PLCE1: variants seen among roughly 807,000 people sequenced by gnomAD.
PLCE1 encodes phospholipase C epsilon 1.
A neutral mutation model predicts 242.8 loss-of-function variants in PLCE1; 119 were observed. The observed-to-expected ratio is 0.49, with a 90% CI of 0.42 to 0.57. The LOEUF (loss-of-function observed/expected upper bound fraction) is 0.57. Ranked by LOEUF, PLCE1 falls within the 20% of genes least tolerant of loss-of-function variation. The probability of loss-of-function intolerance (pLI) is 0.00; values close to 1 mark genes in which losing one functional copy is unlikely to be tolerated. For synonymous variants in PLCE1, 945 were observed against 1,017.4 expected, an observed-to-expected ratio of 0.93 and a Z score of 1.35; for missense variants, 2,441 against 2,788.8, an observed-to-expected ratio of 0.88 and a Z score of 2.81.
rs141295170 is a variant in PLCE1 at position 94,089,555 on chromosome 10, A to T, written c.1207-42619A>T. On this transcript the variant is annotated intron_variant, in intron 2 of 32. Coordinates refer to ENST00000371380, the MANE Select transcript of PLCE1 (RefSeq NM_016341.4). The stretch of plus-strand genomic sequence containing the variant: ...TTAAGAAAGTTTCTAAAATGTTTTA[A>T]CCTAAAATGTTTAACTATAGAGATA... 1.9e-3 allele frequency among the ~76,000 whole-genome samples: 284 copies of T among 152,328 alleles called. 1 individual carries two copies. Among genetic ancestry groups the T allele is most frequent in the Non-Finnish European group, 3.1e-3 (212 of 68,040 alleles).
chr10:94,327,960 C>T lies in PLCE1; in HGVS notation c.*25-8C>T, dbSNP rs768622758. On this transcript the variant is annotated splice_polypyrimidine_tract_variant and splice_region_variant and intron_variant, in intron 32 of 32. Transcript: ENST00000371380. The stretch of plus-strand genomic sequence containing the variant: ...TATACTAATAAGCCTCTGTATACAA[C>T]ATTACAGGTGAAGATCTTTAAGCAA... The T allele has an allele frequency of 3.8e-6, 2 of 532,386 alleles. No individual in the cohort carries two copies. The highest frequency in any genetic ancestry group is 1.9e-5 in the Admixed American group (1 of 51,488). The allele number at this position is 532,386 out of a possible 1,614,324, so 33.0% of individuals were successfully genotyped here.
intron 3 of PLCE1, among the ~76,000 whole-genome samples, chr10:94,136,360 T>C (rs182897874): frequency 6.6e-6 from 1 of 152,222 alleles, no homozygotes; most frequent in African/African-American, 2.4e-5. Context: ...TACCACTGAA[T>C]TGTACACTTA....
chr10:94,300,554 G>A (rs2052997410), intron 24 of PLCE1, among the ~76,000 whole-genome samples: 1 of 152,170 alleles, frequency 6.6e-6, no homozygotes, highest in Non-Finnish European at 1.5e-5. Context: ...GTATCAGTGT[G>A]TTCATCTGTA....
chr10:94,293,696 T>C, intron 23 of PLCE1, 57 bp downstream of exon 23: 1 of 1,571,386 alleles, frequency 6.4e-7, no homozygotes, highest in Non-Finnish European at 8.7e-7. Flanking sequence ...ATGATTTAGA[T>C]ATTTTACTGT....
chr10:93,996,139 G>A (rs964734748), intron 1 of PLCE1, among the ~76,000 whole-genome samples: 1 of 152,206 alleles, frequency 6.6e-6, no homozygotes, highest in Non-Finnish European at 1.5e-5. Flanking sequence ...GTGTGCGCGC[G>A]CGTGTGTGTT....
At chr10:94,325,616 A>ATAT (rs1161397036) in intron 32 of PLCE1, 12 of 150,674 alleles carry the variant, frequency 8.0e-5, no homozygotes, top group African/African-American at 2.9e-4. Flanking sequence ...AAAAGAAAAA[A>ATAT]AAAAATATAT....
chr10:94,000,975 C>T (rs2060920113), intron 1 of PLCE1, among the ~76,000 whole-genome samples: 1 of 152,160 alleles, frequency 6.6e-6, no homozygotes, highest in Non-Finnish European at 1.5e-5. Flanking sequence ...TGCTTCTGCT[C>T]AATACTGGGT....
chr10:94,068,846 T>A (rs2044273015), intron 2 of PLCE1, among the ~76,000 whole-genome samples: 1 of 152,228 alleles, frequency 6.6e-6, no homozygotes, highest in South Asian at 2.1e-4. Context: ...TTTATGGCAC[T>A]AGTACCACTC....
intron 2 of PLCE1, among the ~76,000 whole-genome samples, chr10:94,116,362 T>C (rs2046128885): frequency 6.6e-6 from 1 of 152,228 alleles, no homozygotes; most frequent in South Asian, 2.1e-4. Flanking sequence ...AAAGGATCCA[T>C]GGCATTGGTA....
intron 2 of PLCE1, among the ~76,000 whole-genome samples, chr10:94,097,433 A>G (rs1455432328): frequency 6.6e-6 from 1 of 152,126 alleles, no homozygotes; most frequent in Non-Finnish European, 1.5e-5. Flanking sequence ...TATCCAACCA[A>G]TATTTACTGT....
At chr10:94,255,159 T>A in intron 11 of PLCE1, 110 bp downstream of exon 11, 1 of 1,367,668 alleles carries the variant, frequency 7.3e-7, no homozygotes, top group Non-Finnish European at 1.0e-6. Flanking sequence ...TTTTGATGTA[T>A]AGTTGAACTG....
At chr10:94,261,693 T>C (rs573802668) in intron 13 of PLCE1, among the ~76,000 whole-genome samples, 15 of 152,244 alleles carry the variant, frequency 9.9e-5, no homozygotes, top group African/African-American at 3.6e-4. Context: ...TGGAAGACAG[T>C]GTGGCAGTTT....
intron 26 of PLCE1, among the ~76,000 whole-genome samples, chr10:94,307,015 T>A (rs2053226909): frequency 6.6e-6 from 1 of 152,118 alleles, no homozygotes; most frequent in South Asian, 2.1e-4. Context: ...AGAGGAAACA[T>A]GTCAGAGGGG....
chr10:94,232,106 G>C (rs894409813), intron 5 of PLCE1, among the ~76,000 whole-genome samples: 4 of 152,226 alleles, frequency 2.6e-5, no homozygotes, highest in African/African-American at 9.6e-5. Flanking sequence ...TACCAGTGGT[G>C]GTCCTGTCTG....
At chr10:94,034,221 T>C (rs954187692) in intron 2 of PLCE1, among the ~76,000 whole-genome samples, 1 of 152,174 alleles carries the variant, frequency 6.6e-6, no homozygotes, top group Admixed American at 6.5e-5. Context: ...GCCCTGCCCT[T>C]GACACATGGA....
At chr10:94,323,888 G>C (rs1440522717) in intron 30 of PLCE1, among the ~76,000 whole-genome samples, 1 of 152,198 alleles carries the variant, frequency 6.6e-6, no homozygotes, top group African/African-American at 2.4e-5. Flanking sequence ...AGAGAGATCA[G>C]TTGACTTCTA....
At chr10:94,255,949 CTCT>C (rs2051073120) in intron 11 of PLCE1, among the ~76,000 whole-genome samples, 14 of 137,928 alleles carry the variant, frequency 1.0e-4, no homozygotes, top group African/African-American at 3.6e-4. Flanking sequence ...CTCTCTCTCT[CTCT>C]CTCTCCCCAC....
chr10:94,004,048 G>A (rs935484792), intron 1 of PLCE1, among the ~76,000 whole-genome samples: 1 of 152,132 alleles, frequency 6.6e-6, no homozygotes, highest in East Asian at 1.9e-4. Flanking sequence ...TTGGGAGGCC[G>A]AGGCAAGGAA....
chr10:94,185,943 GC>G (rs769379252), intron 4 of PLCE1, among the ~76,000 whole-genome samples: 2 of 152,200 alleles, frequency 1.3e-5, no homozygotes. Context: ...TTCTTGCCCA[GC>G]TTTTGCTAAA....
Sources: allele counts gnomAD v4.1 joint callset (sites outside exome capture counted in the v4.1 genomes callset), GRCh38; gene constraint gnomAD v4.1.1; transcripts MANE v1.5; gene names NCBI Gene and HGNC (gene_info 2026-07-23, HGNC 2026-07-21).